GRIA3: variants seen among roughly 807,000 people sequenced by gnomAD.
GRIA3 encodes the protein glutamate receptor 3.
In GRIA3, 3 loss-of-function variants were observed where a neutral mutation model predicts 63.0. That is an observed-to-expected ratio of 0.05 (90% CI 0.02 to 0.12). The LOEUF (loss-of-function observed/expected upper bound fraction) is 0.12, where lower values mean the gene tolerates loss of function less well. Ranked by LOEUF, GRIA3 falls within the 10% of genes least tolerant of loss-of-function variation. GRIA3 has a pLI of 1.00. For missense variants in GRIA3, 347 were observed against 700.9 expected, an observed-to-expected ratio of 0.50 and a Z score of 5.70; for synonymous variants, 274 against 257.9, an observed-to-expected ratio of 1.06 and a Z score of -0.60.
At chrX:123,233,216 A>T (rs758566013) in intron 2 of GRIA3, among the ~76,000 whole-genome samples, 3 of 111,443 alleles carry the variant, frequency 2.7e-5, no homozygotes, top group Non-Finnish European at 5.7e-5. Flanking sequence ...TGTGCTCCTA[A>T]CTACTTGTCT....
At chrX:123,357,940 T>C (rs914380200) in intron 5 of GRIA3, among the ~76,000 whole-genome samples, 1 of 111,020 alleles carries the variant, frequency 9.0e-6, no homozygotes, top group South Asian at 3.9e-4. Context: ...TGCATTTGGG[T>C]AATAGAGATA....
chrX:123,291,505 C>T (rs1437980800), intron 3 of GRIA3, among the ~76,000 whole-genome samples: 2 of 110,663 alleles, frequency 1.8e-5, no homozygotes, highest in Non-Finnish European at 3.8e-5. Context: ...CCCCAAGCTT[C>T]AGCATCACAC....
At chrX:123,318,272 C>T (rs1023213516) in intron 3 of GRIA3, among the ~76,000 whole-genome samples, 11 of 112,100 alleles carry the variant, frequency 9.8e-5, no homozygotes, top group Admixed American at 6.6e-4. Context: ...CATTTTCCCC[C>T]CATGGTCTTG....
intron 3 of GRIA3, chrX:123,253,752 G>T: frequency 2.5e-6 from 1 of 401,390 alleles, no homozygotes; most frequent in Non-Finnish European, 4.3e-6. Flanking sequence ...GGCCCTCCCT[G>T]AAAAAGCAGT....
At chrX:123,464,383 G>T (rs1569441124) in intron 12 of GRIA3, among the ~76,000 whole-genome samples, 1 of 111,599 alleles carries the variant, frequency 9.0e-6, no homozygotes, top group East Asian at 2.8e-4. Context: ...AGAATAAGGA[G>T]GTACTTTCTT....
In GRIA3 at chrX:123,474,164, T is replaced by C. The variant is rs139065198; in HGVS notation, c.2325-5899T>C. Among the ~76,000 whole-genome samples the C allele has an allele frequency of 5.5e-3, 616 of 111,415 alleles. 5 individuals are homozygous for C. The highest frequency in any genetic ancestry group is 0.019 in the African/African-American group (574 of 30,591). The stretch of plus-strand genomic sequence containing the variant: ...CACCAGATTATTTCACAGAATCAAC[T>C]TGGTAATTAATTGACAAGACCCAAT... On this transcript the variant is annotated intron_variant, in intron 13 of 15. Transcript: ENST00000620443.
At chrX:123,443,715 A>G (rs1307379328) in intron 12 of GRIA3, among the ~76,000 whole-genome samples, 2 of 111,306 alleles carry the variant, frequency 1.8e-5, no homozygotes, top group South Asian at 3.9e-4. Context: ...CCCCACAAGC[A>G]CTCTTACCTG....
chrX:123,280,677 A>G (rs1024252476), intron 3 of GRIA3, among the ~76,000 whole-genome samples: 2 of 111,972 alleles, frequency 1.8e-5, no homozygotes, highest in Non-Finnish European at 3.8e-5. Context: ...ATTATTTTGA[A>G]CATCTATTTT....
intron 4 of GRIA3, among the ~76,000 whole-genome samples, chrX:123,344,561 C>T (rs961522212): frequency 3.6e-5 from 4 of 112,068 alleles, no homozygotes; most frequent in African/African-American, 1.3e-4. Flanking sequence ...TTTCTTCTCC[C>T]TGTCTCATTT....
At chrX:123,289,580 G>A (rs1429539045) in intron 3 of GRIA3, among the ~76,000 whole-genome samples, 1 of 110,203 alleles carries the variant, frequency 9.1e-6, no homozygotes, top group Non-Finnish European at 1.9e-5. Context: ...GAGGCACAGT[G>A]AAATTGGAGA....
intron 13 of GRIA3, among the ~76,000 whole-genome samples, 175 bp from the exon 14 acceptor site, chrX:123,479,888 G>A (rs866140784): frequency 3.6e-5 from 4 of 112,360 alleles, no homozygotes; most frequent in Admixed American, 1.9e-4. Context: ...TAAATATAGC[G>A]TTGCTGTAGT....
intron 2 of GRIA3, among the ~76,000 whole-genome samples, chrX:123,227,467 C>T (rs1428828139): frequency 8.9e-6 from 1 of 111,922 alleles, no homozygotes; most frequent in East Asian, 2.8e-4. Context: ...GACTTCAGAG[C>T]ACTTGCCAGC....
intron 2 of GRIA3, among the ~76,000 whole-genome samples, chrX:123,208,624 C>G (rs939437134): frequency 1.8e-5 from 2 of 112,024 alleles, no homozygotes; most frequent in African/African-American, 6.5e-5. Flanking sequence ...TAATTGCTCA[C>G]CCCTCTGAGT....
chrX:123,345,836 A>C (rs756436713), intron 4 of GRIA3, among the ~76,000 whole-genome samples: 1 of 110,682 alleles, frequency 9.0e-6, no homozygotes, highest in African/African-American at 3.3e-5. Flanking sequence ...AAATCAGGGA[A>C]GGCTTCTTGG....
intron 3 of GRIA3, among the ~76,000 whole-genome samples, chrX:123,275,780 G>C (rs2044551174): frequency 8.9e-6 from 1 of 111,769 alleles, no homozygotes; most frequent in African/African-American, 3.3e-5. Flanking sequence ...TATCCTTTAA[G>C]ACACATATTA....
chrX:123,360,847 TCTCTCTCTCACA>T (rs1381876714), intron 5 of GRIA3, among the ~76,000 whole-genome samples: 3 of 29,165 alleles, frequency 1.0e-4, no homozygotes, highest in African/African-American at 3.7e-4. Context: ...TCTCTCTCTC[TCTCTCTCTCACA>T]CACACACACA....
At chrX:123,324,509 T>C (rs1172118205) in intron 3 of GRIA3, among the ~76,000 whole-genome samples, 3 of 111,855 alleles carry the variant, frequency 2.7e-5, no homozygotes, top group Non-Finnish European at 5.6e-5. Flanking sequence ...ATCCCATGCC[T>C]TGGCCTACCA....
At chrX:123,270,298 T>C (rs923437434) in intron 3 of GRIA3, among the ~76,000 whole-genome samples, 1 of 112,307 alleles carries the variant, frequency 8.9e-6, no homozygotes, top group African/African-American at 3.2e-5. Context: ...AGGAGGGCTA[T>C]GAAGAGAAAG....
chrX:123,327,061 G>A (rs1285601818), intron 4 of GRIA3, among the ~76,000 whole-genome samples: 1 of 110,481 alleles, frequency 9.1e-6, no homozygotes, highest in African/African-American at 3.3e-5. Context: ...AGCTACTCAG[G>A]AGACTGAGGC....
Sources: allele counts gnomAD v4.1 joint callset (sites outside exome capture counted in the v4.1 genomes callset), GRCh38; gene constraint gnomAD v4.1.1; transcripts MANE v1.5; gene names NCBI Gene and HGNC (gene_info 2026-07-23, HGNC 2026-07-21).